RGL1: variants seen among roughly 807,000 people sequenced by gnomAD.
RGL1 encodes ral guanine nucleotide dissociation stimulator-like 1.
A neutral mutation model predicts 95.2 loss-of-function variants in RGL1; 24 were observed. That is an observed-to-expected ratio of 0.25 (90% CI 0.18 to 0.35). The LOEUF (loss-of-function observed/expected upper bound fraction) is 0.35, where lower values mean the gene tolerates loss of function less well. Ranked by LOEUF, RGL1 falls within the 10% of genes least tolerant of loss-of-function variation. The pLI is 1.00. For missense variants in RGL1, 715 were observed against 936.3 expected (o/e 0.76, Z 3.08); for synonymous variants, 329 against 344.9 (o/e 0.95, Z 0.51).
intron 2 of RGL1, among the ~76,000 whole-genome samples, chr1:183,763,880 G>A (rs1250376307): frequency 6.6e-6 from 1 of 152,146 alleles, no homozygotes; most frequent in Non-Finnish European, 1.5e-5. Context: ...AGTTGCTTTT[G>A]ACTCCTGCTG....
At chr1:183,688,810 A>T (rs1653772529) in intron 1 of RGL1, among the ~76,000 whole-genome samples, 1 of 152,202 alleles carries the variant, frequency 6.6e-6, no homozygotes, top group Admixed American at 6.5e-5. Flanking sequence ...TTTGCTTTAG[A>T]AATATTGAAG....
chr1:183,643,617 A>G (rs1175505310), intron 1 of RGL1, among the ~76,000 whole-genome samples: 3 of 151,812 alleles, frequency 2.0e-5, no homozygotes, highest in Admixed American at 1.3e-4. Context: ...AAAAAAAATT[A>G]CTTTACTTTT....
At chr1:183,679,472 T>TGAGA (rs1653058948) in intron 1 of RGL1, among the ~76,000 whole-genome samples, 1 of 145,568 alleles carries the variant, frequency 6.9e-6, no homozygotes, top group Non-Finnish European at 1.5e-5. Flanking sequence ...CACTTATGAG[T>TGAGA]GAGAACATGC....
chr1:183,915,550 A>G (rs986265758), intron 15 of RGL1, among the ~76,000 whole-genome samples: 7 of 152,188 alleles, frequency 4.6e-5, no homozygotes, highest in African/African-American at 1.7e-4. Flanking sequence ...CTACTAGCAA[A>G]TGTGGAAAGT....
chr1:183,730,240 G>A (rs1656552588), intron 1 of RGL1, among the ~76,000 whole-genome samples: 1 of 152,118 alleles, frequency 6.6e-6, no homozygotes, highest in South Asian at 2.1e-4. Flanking sequence ...TTCCATATTG[G>A]GCACTGTGTC....
intron 1 of RGL1, among the ~76,000 whole-genome samples, chr1:183,708,619 A>G (rs1296727260): frequency 6.6e-6 from 1 of 152,246 alleles, no homozygotes; most frequent in Non-Finnish European, 1.5e-5. Flanking sequence ...GCTTAGAGGC[A>G]TCCCCCTAAG....
chr1:183,658,623 G>A (rs1174665), intron 1 of RGL1, among the ~76,000 whole-genome samples: 44,297 of 151,888 alleles, frequency 0.29, 6,986 homozygotes, highest in Middle Eastern at 0.38. Flanking sequence ...CTCCACCTCT[G>A]GGGGCAGGGC....
intron 4 of RGL1, among the ~76,000 whole-genome samples, chr1:183,876,524 A>G (rs1343667408): frequency 6.6e-6 from 1 of 152,244 alleles, no homozygotes; most frequent in African/African-American, 2.4e-5. Context: ...TACTTTGGAA[A>G]AGGAAGTCAC....
chr1:183,679,394 C>A (rs572818825), intron 1 of RGL1, among the ~76,000 whole-genome samples: 3 of 150,978 alleles, frequency 2.0e-5, no homozygotes, highest in African/African-American at 7.3e-5. Context: ...CCTTGCCCCC[C>A]ACCCCCGACA....
At chr1:183,793,623 A>T (rs1329795929) in intron 2 of RGL1, among the ~76,000 whole-genome samples, 1 of 152,164 alleles carries the variant, frequency 6.6e-6, no homozygotes, top group Non-Finnish European at 1.5e-5. Context: ...AAGGCTCTGA[A>T]CAGACATTTC....
At chr1:183,659,147 C>A (rs1210130709) in intron 1 of RGL1, among the ~76,000 whole-genome samples, 5 of 152,092 alleles carry the variant, frequency 3.3e-5, no homozygotes, top group Non-Finnish European at 7.3e-5. Flanking sequence ...AAAAGCAGAG[C>A]GCCTCTCCTC....
intron 2 of RGL1, among the ~76,000 whole-genome samples, chr1:183,746,077 C>G (rs1469920604): frequency 6.7e-6 from 1 of 150,182 alleles, no homozygotes; most frequent in Non-Finnish European, 1.5e-5. Context: ...TTGATACCTA[C>G]AAAATAATAC....
rs143289419 is a variant in RGL1 at position 183,766,459 on chromosome 1, A to G, written c.132+24170A>G. 4.9e-3 allele frequency among the ~76,000 whole-genome samples: 745 copies of G among 152,314 alleles called. 8 individuals are homozygous for G. Among genetic ancestry groups the G allele is most frequent in the African/African-American group, 0.016 (662 of 41,556 alleles). ...TATAATTTTCTAAAGGACAAGGTCA[A>G]TCTTTCCTGAACATTAAAACTTTGT... On this transcript the variant is annotated intron_variant, in intron 2 of 18. Transcript: ENST00000304685.
At position 183,806,171 on chromosome 1, in the gene RGL1, C is replaced by G. The variant is rs534726743; in HGVS notation, c.28-204C>G. Among the ~76,000 whole-genome samples the G allele has an allele frequency of 3.9e-5, 6 of 151,996 alleles. No homozygotes were observed. The East Asian group carries it at 1.2e-3, about 29-fold the overall frequency. The stretch of plus-strand genomic sequence containing the variant: ...ATGGAAAAGTCAGGGGATCCTGATA[C>G]CACAGGAAGGGACTGCAAGCCAAGA... On this transcript the variant is annotated intron_variant, in intron 1 of 17. Coordinates refer to ENST00000360851, the MANE Select transcript of RGL1 (RefSeq NM_001297671.3).
intron 1 of RGL1, among the ~76,000 whole-genome samples, chr1:183,695,122 G>T (rs1022264074): frequency 2.0e-5 from 3 of 152,216 alleles, no homozygotes; most frequent in African/African-American, 7.2e-5. Context: ...CATGTGTGGA[G>T]TCTGCTCTTT....
chr1:183,779,875 G>A (rs1158026843), intron 2 of RGL1, among the ~76,000 whole-genome samples: 2 of 152,084 alleles, frequency 1.3e-5, no homozygotes, highest in Admixed American at 6.6e-5. Flanking sequence ...TTTATGCATA[G>A]TGTGTGGGTG....
intron 3 of RGL1, among the ~76,000 whole-genome samples, chr1:183,862,155 A>C (rs1665550189): frequency 6.6e-6 from 1 of 152,180 alleles, no homozygotes; most frequent in Non-Finnish European, 1.5e-5. Flanking sequence ...CGGCCTGGGC[A>C]ACAGAGTGAG....
chr1:183,747,334 T>G (rs1657703143), intron 2 of RGL1, among the ~76,000 whole-genome samples: 3 of 152,226 alleles, frequency 2.0e-5, no homozygotes, highest in Non-Finnish European at 4.4e-5. Flanking sequence ...CCTGACTTTT[T>G]ATTGATGGCC....
At chr1:183,687,095 A>G (rs775088815) in intron 1 of RGL1, among the ~76,000 whole-genome samples, 7 of 152,102 alleles carry the variant, frequency 4.6e-5, no homozygotes, top group African/African-American at 1.2e-4. Context: ...TCACATCCCA[A>G]TTGGTTTTCC....
Sources: allele counts gnomAD v4.1 joint callset (sites outside exome capture counted in the v4.1 genomes callset), GRCh38; gene constraint gnomAD v4.1.1; transcripts MANE v1.5; gene names NCBI Gene and HGNC (gene_info 2026-07-23, HGNC 2026-07-21).